The following ESS2 variants were observed in gnomAD, a reference collection of about 807,000 sequenced individuals.
ESS2 encodes the protein ess-2 spliceosome associated protein.
In ESS2, 31 loss-of-function variants were observed where a neutral mutation model predicts 52.0. That is an observed-to-expected ratio of 0.60 (90% CI 0.45 to 0.81). The LOEUF (loss-of-function observed/expected upper bound fraction) is 0.81, where lower values mean the gene tolerates loss of function less well. Among genes scored for constraint, ESS2 ranks in the 30% least tolerant of loss-of-function variants. ESS2 has a pLI of 0.00. For missense variants in ESS2, 602 were observed against 637.2 expected (o/e 0.94, Z 0.59); for synonymous variants, 285 against 259.2 (o/e 1.10, Z -0.95).
rs559335148 is a variant in ESS2, at chr22:19,139,301, C to T, written c.689-9G>A. The T allele has an allele frequency of 2.5e-5, 40 of 1,579,240 alleles. No individual in the cohort carries two copies. The African/African-American group carries it at 3.0e-4, about 12-fold the overall frequency. ...CTCCTCGTCAGGGACACCTGGCAGACGAAGCAAAGGTAGCAGCAGGTGTCA... is the reference window on the plus strand; with the variant it reads ...CTCCTCGTCAGGGACACCTGGCAGATGAAGCAAAGGTAGCAGCAGGTGTCA... On this transcript the variant is annotated splice_polypyrimidine_tract_variant and intron_variant, in intron 5 of 9. Transcript: ENST00000252137.
At chr22:19,140,359 TC>T (rs2083664379) in intron 3 of ESS2, among the ~76,000 whole-genome samples, 1 of 152,102 alleles carries the variant, frequency 6.6e-6, no homozygotes, top group Non-Finnish European at 1.5e-5. Flanking sequence ...GGCAGGCTCC[TC>T]CCCCACCAAA....
rs1439196108 is a variant in ESS2 at position 19,133,147 on chromosome 22, C to G, written c.*1049G>C. 1 of 152,448 alleles carries G rather than the reference C, an allele frequency of 6.6e-6. No individual in the cohort carries two copies. The highest frequency in any genetic ancestry group is 1.5e-5 in the Non-Finnish European group (1 of 68,224). 9.4% of individuals were successfully genotyped at this position (152,448 alleles called of 1,614,324 possible). A position where few individuals can be genotyped will look rare whatever the true frequency, so the allele number is the denominator to read the frequency against. Reference sequence around the variant, plus strand: ...GTGCCCTCCCCACCCAGTGGCTCTTCAAGCTGCTCAGCAGCCCTTGATGAT... The same window carrying G: ...GTGCCCTCCCCACCCAGTGGCTCTTGAAGCTGCTCAGCAGCCCTTGATGAT... On this transcript the variant is annotated 3_prime_UTR_variant, in exon 10 of 10. Coordinates refer to ENST00000252137, the MANE Select transcript of ESS2 (RefSeq NM_022719.3).
chr22:19,138,199 T>C lies in ESS2; in HGVS notation c.925+16A>G, dbSNP rs1487408302. 3 of 1,613,614 alleles carry C rather than the reference T, an allele frequency of 1.9e-6. No homozygotes were observed. In the South Asian group the frequency reaches 3.3e-5, roughly 18 times the overall value. On this transcript the variant is annotated intron_variant, in intron 7 of 9. Coordinates refer to ENST00000252137, the MANE Select transcript of ESS2 (RefSeq NM_022719.3). ...TCCCAGCAGTAGACCCACTTGCCAG[T>C]GGGCACTTTTCTCACCAGGGGCAGG...
In ESS2 at chr22:19,132,281, C is replaced by T. The variant is rs759143051; in HGVS notation, c.*1915G>A. 12 of 1,613,444 alleles carry T rather than the reference C, an allele frequency of 7.4e-6. No individual in the cohort carries two copies. Among genetic ancestry groups the T allele is most frequent in the East Asian group, 4.5e-5 (2 of 44,870 alleles). ...AGAGGGAGGGGGAGGGCAAGTACCG[C>T]GCTGAGTGCAAACTGGACACCAAGA... On this transcript the variant is annotated 3_prime_UTR_variant, in exon 10 of 10. Coordinates refer to ENST00000252137, the MANE Select transcript of ESS2 (RefSeq NM_022719.3). The surrounding 1 kb of genome is among the most constrained non-coding windows in gnomAD (Gnocchi z 4.2).
Position 19,131,458 on chromosome 22 carries a change from A to T in ESS2, c.*2738T>A. The stretch of plus-strand genomic sequence containing the variant: ...TACATCGTAGGCATCAATCTTGGCA[A>T]GGGTTCCTACGCAAAAGTCAAATCT... On this transcript the variant is annotated 3_prime_UTR_variant, in exon 10 of 10. Transcript: ENST00000252137. The surrounding 1 kb of genome is among the most constrained non-coding windows in gnomAD (Gnocchi z 5.7). The T allele has an allele frequency of 6.2e-7, 1 of 1,614,080 alleles. No individual in the cohort carries two copies. The highest frequency in any genetic ancestry group is 8.5e-7 in the Non-Finnish European group (1 of 1,180,000).
intron 8 of ESS2, 39 bp downstream of exon 8, chr22:19,137,284 A>T (rs1157179989): frequency 6.8e-7 from 1 of 1,477,686 alleles, no homozygotes; most frequent in Admixed American, 1.8e-5. Flanking sequence ...AGAGGTGTCC[A>T]CCCCGGTCGC....
Position 19,133,809 on chromosome 22 carries a change from G to A in ESS2, c.*387C>T, listed in dbSNP as rs1037971053. ...CCAGTCACCCGGTGCTCCCACAGCC[G>A]CCCCACCTGCAGCTTCCTCACCTGG... On this transcript the variant is annotated 3_prime_UTR_variant, in exon 10 of 10. Transcript: ENST00000252137. 3.6e-5 allele frequency: 7 copies of A among 192,886 alleles called. No homozygotes were observed. The highest frequency in any genetic ancestry group is 6.9e-5 in the African/African-American group (3 of 43,346). 11.9% of individuals were successfully genotyped at this position (192,886 alleles called of 1,614,324 possible).
In ESS2 at chr22:19,137,482, C is replaced by A. The variant is rs547188351; in HGVS notation, c.926-50G>T. ...CCTCAGGCCAGAGGACTCCCCACCA[C>A]CCTCCCCTCCAGTCACAGCTTGTTC... On this transcript the variant is annotated intron_variant, in intron 7 of 9. Coordinates refer to ENST00000252137, the MANE Select transcript of ESS2 (RefSeq NM_022719.3). 2.0e-4 allele frequency: 279 copies of A among 1,364,006 alleles called. 7 individuals are homozygous for A. In the South Asian group the frequency reaches 3.4e-3, roughly 17 times the overall value. 84.5% of individuals were successfully genotyped at this position (1,364,006 alleles called of 1,614,324 possible). A position where few individuals can be genotyped will look rare whatever the true frequency, so the allele number is the denominator to read the frequency against.
chr22:19,135,152 C>T lies in ESS2; in HGVS notation c.1059G>A (p.Glu353=), dbSNP rs2240111. 0.19 allele frequency: 300,116 copies of T among 1,613,714 alleles called. 29,491 individuals are homozygous for T. The highest frequency in any genetic ancestry group is 0.28 in the South Asian group (25,371 of 91,050). The change falls in exon 9 of 10, where the codon GAG becomes GAA. Residue 353 remains glutamate, a synonymous_variant. Coordinates refer to ENST00000252137, the MANE Select transcript of ESS2 (RefSeq NM_022719.3). ...AFKILEPGRR[E]RLGLKMANEA... is the part of the protein sequence containing the mutation. Reference sequence around the variant, plus strand: ...CGTTGGCCATCTTCAGACCCAGCCGCTCCCTGCGGCCTGGCTCCAGGATCT... The same window carrying T: ...CGTTGGCCATCTTCAGACCCAGCCGTTCCCTGCGGCCTGGCTCCAGGATCT...
In ESS2 at chr22:19,131,204, C is replaced by T; in HGVS notation, c.*2992G>A. The T allele has an allele frequency of 1.7e-6, 1 of 584,348 alleles. No individual in the cohort carries two copies. Among genetic ancestry groups the T allele is most frequent in the Non-Finnish European group, 3.0e-6 (1 of 329,294 alleles). The allele number at this position is 584,348 out of a possible 1,614,324, so 36.2% of individuals were successfully genotyped here. ...ACCCTGTTCTCCCTCAGCCCAGTCC[C>T]CGCCCCCACTCCTTGGCTTTATGAG... On this transcript the variant is annotated 3_prime_UTR_variant, in exon 10 of 10. Coordinates refer to ENST00000252137, the MANE Select transcript of ESS2 (RefSeq NM_022719.3). The surrounding 1 kb of genome is among the most constrained non-coding windows in gnomAD (Gnocchi z 5.7).
intron 7 of ESS2, among the ~76,000 whole-genome samples, 164 bp from the exon 8 acceptor site, chr22:19,137,596 C>T (rs1473844953): frequency 1.3e-5 from 2 of 152,166 alleles, no homozygotes; most frequent in African/African-American, 2.4e-5. Context: ...CTCCATCCTC[C>T]GAAAGGGAAA....
At chr22:19,135,213 C>G (rs1365801694) in intron 8 of ESS2, 38 bp from the exon 9 acceptor site, 6 of 1,533,322 alleles carry the variant, frequency 3.9e-6, no homozygotes. Context: ...TGCGCCAGGC[C>G]TGCCACACGC....
intron 1 of ESS2, among the ~76,000 whole-genome samples, chr22:19,143,143 T>C (rs894185563): frequency 2.1e-5 from 3 of 141,592 alleles, no homozygotes; most frequent in Non-Finnish European, 4.5e-5. Flanking sequence ...AGGCGGAGGT[T>C]GCAGTGAGCC....
intron 3 of ESS2, among the ~76,000 whole-genome samples, chr22:19,140,845 C>A (rs1420919757): frequency 6.6e-6 from 1 of 152,198 alleles, no homozygotes; most frequent in East Asian, 1.9e-4. Flanking sequence ...AGAAGTGAAA[C>A]CCTGACCATC....
Position 19,133,902 on chromosome 22 carries a change from G to A in ESS2, c.*294C>T, listed in dbSNP as rs895030335. ...AGGCCCCAGGGCAAGGCTAGGGCTC[G>A]TGTGGGGAGCAAGATGGAGAGGCAA... On this transcript the variant is annotated 3_prime_UTR_variant, in exon 10 of 10. Coordinates refer to ENST00000252137, the MANE Select transcript of ESS2 (RefSeq NM_022719.3). 5 of 319,090 alleles carry A rather than the reference G, an allele frequency of 1.6e-5. No homozygotes were observed. Among genetic ancestry groups the A allele is most frequent in the Non-Finnish European group, 2.3e-5 (4 of 176,472 alleles). The allele number at this position is 319,090 out of a possible 1,614,324, so 19.8% of individuals were successfully genotyped here.
Position 19,139,921 on chromosome 22 carries a change from C to G in ESS2, c.504G>C (p.Glu168Asp). 6.2e-7 allele frequency: 1 copy of G among 1,614,198 alleles called. No homozygotes were observed. Among genetic ancestry groups the G allele is most frequent in the Non-Finnish European group, 8.5e-7 (1 of 1,180,032 alleles). The change falls in exon 4 of 10, where the codon GAG (glutamate) becomes GAC (aspartate). Residue 168 changes from glutamate to aspartate, a missense_variant. Transcript: ENST00000252137. ...EDNASFQEIM[E>D]VAKERSRARH... The stretch of plus-strand genomic sequence containing the variant: ...GTGCCCGGCTTCTCTCCTTGGCCAC[C>G]TCCATGATCTCCTGGAAGGAGGCAT...
At position 19,139,743 on chromosome 22, in the gene ESS2, G is replaced by T. The variant is rs763160439; in HGVS notation, c.571-14C>A. The T allele has an allele frequency of 6.2e-7, 1 of 1,614,054 alleles. No homozygotes were observed. Among genetic ancestry groups the T allele is most frequent in the Non-Finnish European group, 8.5e-7 (1 of 1,179,914 alleles). On this transcript the variant is annotated splice_polypyrimidine_tract_variant and intron_variant, in intron 4 of 9. Transcript: ENST00000252137. Reference sequence around the variant, plus strand: ...ATCTTTCTGCCTCTGCAATCACATGGGGAAAAGTGATGGTCAGAGATGCCC... The same window carrying T: ...ATCTTTCTGCCTCTGCAATCACATGTGGAAAAGTGATGGTCAGAGATGCCC...
intron 6 of ESS2, 113 bp downstream of exon 6, chr22:19,139,046 A>G (rs567659891): frequency 2.2e-6 from 3 of 1,391,224 alleles, no homozygotes; most frequent in Non-Finnish European, 2.9e-6. Flanking sequence ...AGGGCCCCAG[A>G]TGGTTCCACT....
At chr22:19,138,779 T>C (rs964505473) in intron 6 of ESS2, among the ~76,000 whole-genome samples, 6 of 152,190 alleles carry the variant, frequency 3.9e-5, no homozygotes, top group South Asian at 2.1e-4. Context: ...AGAAAGCCTC[T>C]GCTCTCTGCC....
Sources: allele counts gnomAD v4.1 joint callset (sites outside exome capture counted in the v4.1 genomes callset), GRCh38; gene constraint gnomAD v4.1.1; non-coding constraint Gnocchi (gnomAD v3.1); transcripts MANE v1.5; gene names NCBI Gene and HGNC (gene_info 2026-07-23, HGNC 2026-07-21).